Variants in SEMA3D observed in about 807,000 individuals in gnomAD.
SEMA3D encodes the protein semaphorin-3D.
SEMA3D carries 84 observed loss-of-function variants against 100.1 expected under a neutral mutation model. The observed-to-expected ratio is 0.84, with a 90% CI of 0.70 to 1.01. The LOEUF (loss-of-function observed/expected upper bound fraction) is 1.01, where lower values mean the gene tolerates loss of function less well. SEMA3D is among the 50% of genes least tolerant of loss of function. SEMA3D has a pLI of 0.00. For synonymous variants in SEMA3D, 312 were observed against 320.7 expected, an observed-to-expected ratio of 0.97 and a Z score of 0.29; for missense variants, 875 against 934.1, an observed-to-expected ratio of 0.94 and a Z score of 0.82.
intron 2 of SEMA3D, chr7:85,141,872 C>T (rs1790059826): frequency 2.1e-6 from 2 of 940,860 alleles, no homozygotes; most frequent in Non-Finnish European, 2.5e-6. Flanking sequence ...AAAGCCTTCA[C>T]TGAAAGACCT....
At chr7:85,141,775 T>A (rs1790057735) in intron 2 of SEMA3D, 2 of 801,488 alleles carry the variant, frequency 2.5e-6, no homozygotes, top group Admixed American at 6.3e-5. Flanking sequence ...TTTTGCCAAG[T>A]CTCATAAATC....
At chr7:85,232,495 G>T in the SEMA3D span, among the ~76,000 whole-genome samples, 3 of 152,158 alleles carry the variant, frequency 2.0e-5, no homozygotes, top group Non-Finnish European at 4.4e-5. Context: ...TTATGCTTGG[G>T]CAAGTTGGGA....
the SEMA3D span, among the ~76,000 whole-genome samples, chr7:85,205,927 T>C: frequency 6.6e-6 from 1 of 152,098 alleles, no homozygotes; most frequent in African/African-American, 2.4e-5. Context: ...GCTATGCCCA[T>C]ATAGTCACAG....
chr7:85,244,483 T>G, the SEMA3D span, among the ~76,000 whole-genome samples: 2 of 152,150 alleles, frequency 1.3e-5, no homozygotes, highest in Non-Finnish European at 2.9e-5. Context: ...ATTATTTTGT[T>G]TATATACTTA....
the SEMA3D span, among the ~76,000 whole-genome samples, chr7:85,197,160 G>T: frequency 2.0e-5 from 3 of 152,132 alleles, no homozygotes; most frequent in Non-Finnish European, 4.4e-5. Flanking sequence ...GCTGTCCTTT[G>T]TGGGGGAAAA....
the SEMA3D span, among the ~76,000 whole-genome samples, chr7:85,246,593 C>T: frequency 6.6e-6 from 1 of 151,858 alleles, no homozygotes; most frequent in South Asian, 2.1e-4. Context: ...ATAGTAGATA[C>T]ATTTCTACTA....
intron 7 of SEMA3D, among the ~76,000 whole-genome samples, chr7:85,066,913 C>CACACACACACACACACACAGAG: frequency 3.1e-5 from 4 of 127,760 alleles, no homozygotes; most frequent in African/African-American, 9.5e-5. Context: ...CACACACACA[C>CACACACACACACACACACAGAG]AGAGAGAGAG....
At chr7:85,058,759 A>C (rs937712659) in intron 8 of SEMA3D, among the ~76,000 whole-genome samples, 29 of 151,672 alleles carry the variant, frequency 1.9e-4, no homozygotes, top group African/African-American at 6.8e-4. Flanking sequence ...AAAAAAAAAA[A>C]AAAAAAAAGC....
At chr7:85,157,841 T>C (rs2116508634) in intron 1 of SEMA3D, among the ~76,000 whole-genome samples, 1 of 152,312 alleles carries the variant, frequency 6.6e-6, no homozygotes, top group Non-Finnish European at 1.5e-5. Flanking sequence ...GCTGAAGTCA[T>C]GGCAGAAGAA....
rs1194215723 is a variant in SEMA3D, at chr7:85,122,090, GC to G, written c.-40-160del. Among the ~76,000 whole-genome samples, 11 of 152,082 alleles carry G rather than the reference GC, an allele frequency of 7.2e-5. No homozygotes were observed. The East Asian group carries it at 1.6e-3, about 21-fold the overall frequency. ...CATAGCATACCAGGGCCTGTTGGGG[GC>G]TGGGGGCTGGGGGAGGGAGAGCATT... On this transcript the variant is annotated intron_variant, in intron 2 of 18. Transcript: ENST00000284136.
At chr7:85,149,884 CTATT>C (rs1790317991) in intron 2 of SEMA3D, among the ~76,000 whole-genome samples, 1 of 152,120 alleles carries the variant, frequency 6.6e-6, no homozygotes, top group East Asian at 1.9e-4. Flanking sequence ...ACAATACTCA[CTATT>C]TATCAGACAC....
intron 1 of SEMA3D, among the ~76,000 whole-genome samples, chr7:85,171,843 T>C (rs1260695096): frequency 6.6e-6 from 1 of 152,006 alleles, no homozygotes; most frequent in Non-Finnish European, 1.5e-5. Flanking sequence ...TTGAATTGAC[T>C]TGACTCAGTT....
chr7:85,151,721 G>A, intron 2 of SEMA3D: 4 of 969,030 alleles, frequency 4.1e-6, no homozygotes, highest in Non-Finnish European at 4.9e-6. Context: ...AGAGCTTTTT[G>A]TGGTAATATT....
At chr7:85,112,337 GATA>G (rs1387413711) in intron 3 of SEMA3D, among the ~76,000 whole-genome samples, 3 of 152,070 alleles carry the variant, frequency 2.0e-5, no homozygotes. Context: ...CTAGTTATAA[GATA>G]GGCAAATAAA....
At chr7:85,112,002 T>C (rs1265218073) in intron 3 of SEMA3D, among the ~76,000 whole-genome samples, 1 of 152,164 alleles carries the variant, frequency 6.6e-6, no homozygotes, top group African/African-American at 2.4e-5. Flanking sequence ...ATTTGATTAC[T>C]ACATACCCAC....
At chr7:85,188,501 T>A (rs1791622962), upstream of SEMA3D, among the ~76,000 whole-genome samples, 1 of 152,268 alleles carries the variant, frequency 6.6e-6, no homozygotes, top group African/African-American at 2.4e-5. Context: ...TATGTTTCTA[T>A]GTGTTTATAT....
intron 4 of SEMA3D, among the ~76,000 whole-genome samples, chr7:85,087,999 T>C (rs1040881322): frequency 6.6e-6 from 1 of 152,180 alleles, no homozygotes; most frequent in African/African-American, 2.4e-5. Flanking sequence ...TACTTTTTTA[T>C]GTAAATATAG....
intron 8 of SEMA3D, among the ~76,000 whole-genome samples, chr7:85,063,590 T>G (rs950848007): frequency 6.6e-6 from 1 of 152,220 alleles, no homozygotes; most frequent in Non-Finnish European, 1.5e-5. Context: ...TCTCAAATAT[T>G]CTTTGCAGTA....
chr7:85,115,625 G>A (rs2116381504), intron 3 of SEMA3D, among the ~76,000 whole-genome samples: 1 of 151,920 alleles, frequency 6.6e-6, no homozygotes, highest in East Asian at 1.9e-4. Context: ...TTTTAAGGCA[G>A]TATTATATAT....
Sources: gnomAD v4.1 joint callset for allele counts (sites outside exome capture counted in the v4.1 genomes callset) on GRCh38, gnomAD v4.1.1 for gene constraint, MANE v1.5 for transcripts, NCBI Gene and HGNC (gene_info 2026-07-23, HGNC 2026-07-21) for gene names.